ZNF205: variants seen among roughly 807,000 people sequenced by gnomAD.
ZNF205 encodes the protein transcriptional repressor RHIT.
In ZNF205, 32 loss-of-function variants were observed where a neutral mutation model predicts 53.6. The ratio of observed to expected loss-of-function variants is 0.60; its 90% CI spans 0.45 to 0.80. The LOEUF (loss-of-function observed/expected upper bound fraction) is 0.80, where lower values mean the gene tolerates loss of function less well. Among genes scored for constraint, ZNF205 ranks in the 30% least tolerant of loss-of-function variants. ZNF205 has a pLI of 0.00. For missense variants in ZNF205, 836 were observed against 782.4 expected (o/e 1.07, Z -0.82); for synonymous variants, 382 against 334.3 (o/e 1.14, Z -1.56).
chr16:3,113,024 GC>G, intron 1 of ZNF205: 1 of 226,288 alleles, frequency 4.4e-6, no homozygotes, highest in Non-Finnish European at 8.7e-6. Context: ...GACGGGCGGG[GC>G]CCCACCAGCA....
chr16:3,112,793 AG>A, intron 1 of ZNF205, 111 bp downstream of exon 1: 2 of 201,136 alleles, frequency 9.9e-6, no homozygotes, highest in Non-Finnish European at 2.1e-5. Context: ...GCAGGAGAGA[AG>A]GGGGCCAGGA....
intron 5 of ZNF205, among the ~76,000 whole-genome samples, chr16:3,117,324 G>GA (rs1329513702): frequency 2.0e-5 from 3 of 151,882 alleles, no homozygotes. Flanking sequence ...GGCATGAACT[G>GA]AACTCCCCAG....
At chr16:3,115,072 C>A (rs1033075489) in intron 2 of ZNF205, 2 of 291,760 alleles carry the variant, frequency 6.9e-6, no homozygotes, top group Admixed American at 5.2e-5. Flanking sequence ...TTTCTTCATA[C>A]ACTAATAGAC....
Position 3,119,669 on chromosome 16 carries a change from G to T in ZNF205, c.1009G>T (p.Ala337Ser), listed in dbSNP as rs764550290. 4.3e-6 allele frequency: 7 copies of T among 1,610,528 alleles called. No homozygotes were observed. The highest frequency in any genetic ancestry group is 1.7e-6 in the Non-Finnish European group (2 of 1,178,904). Residue 337 changes from alanine (A) to serine (S), a missense_variant, in exon 7 of 7, where the codon GCC (alanine) becomes TCC (serine). Coordinates refer to ENST00000219091, the MANE Select transcript of ZNF205 (RefSeq NM_001042428.2). ...RRTHTGEKPY[A>S]CTDCGKRFGR... is the part of the protein sequence containing the mutation. ...CACGCACACGGGCGAGAAGCCCTAC[G>T]CCTGCACTGACTGCGGGAAGCGCTT...
rs1181555437 is a variant in ZNF205, at chr16:3,115,442, A to G, written c.145A>G (p.Ile49Val). Residue 49 changes from isoleucine to valine, a missense_variant, in exon 3 of 7, where the codon ATT becomes GTT. Ile to Val is a conservative substitution (Grantham distance 29). Transcript: ENST00000219091. ...PSGDTQESLH[I>V]KMEPEEPHSE... ...AGGGGACACTCAGGAGTCACTGCAC[A>G]TTAAGATGGAGCCCGAAGAGCCACA... is the stretch of plus-strand genomic sequence containing the variant. 9 of 1,612,502 alleles carry G rather than the reference A, an allele frequency of 5.6e-6. No homozygotes were observed. The highest frequency in any genetic ancestry group is 7.6e-6 in the Non-Finnish European group (9 of 1,179,226).
intron 4 of ZNF205, 52 bp downstream of exon 4, chr16:3,115,972 G>A: frequency 4.5e-6 from 7 of 1,566,118 alleles, no homozygotes; most frequent in Non-Finnish European, 6.1e-6. Flanking sequence ...TCCTGCATCT[G>A]CTGGTTCTGT....
intron 2 of ZNF205, 197 bp from the exon 3 acceptor site, chr16:3,115,157 CG>C: frequency 2.5e-6 from 1 of 407,632 alleles, no homozygotes; most frequent in Non-Finnish European, 4.2e-6. Context: ...CCACGCCCAC[CG>C]GCACTGTGGA....
At chr16:3,113,303 T>G (rs944106397) in intron 1 of ZNF205, 114 bp from the exon 2 acceptor site, 1 of 952,558 alleles carries the variant, frequency 1.0e-6, no homozygotes, top group Non-Finnish European at 1.6e-6. Flanking sequence ...CAGGGCTCTT[T>G]GGGGGTGTCC....
chr16:3,119,871 G>T lies in ZNF205; in HGVS notation c.1211G>T (p.Arg404Leu), dbSNP rs1432122253. The T allele has an allele frequency of 1.9e-6, 3 of 1,613,474 alleles. No homozygotes were observed. Among genetic ancestry groups the T allele is most frequent in the Non-Finnish European group, 8.5e-7 (1 of 1,179,874 alleles). Residue 404 changes from arginine to leucine, a missense_variant, in exon 7 of 7, where the codon CGC becomes CTC. By Grantham distance (102) the Arg-to-Leu change is moderately radical (BLOSUM62 -2). Coordinates refer to ENST00000219091, the MANE Select transcript of ZNF205 (RefSeq NM_001042428.2). ...CDRCAKRFTR[R>L]SDLVTHQGTH... ...CGCTGCGCCAAGCGCTTCACCCGCC[G>T]CTCGGACTTGGTCACCCACCAGGGC...
intron 2 of ZNF205, 99 bp from the exon 3 acceptor site, chr16:3,115,256 G>C (rs117838195): frequency 1.1e-6 from 1 of 931,978 alleles, no homozygotes; most frequent in African/African-American, 1.7e-5. Context: ...TTCAAGCTGC[G>C]TCTTGCATGT....
At chr16:3,116,638 C>T (rs1283468352) in intron 5 of ZNF205, 91 bp downstream of exon 5, 1 of 1,501,192 alleles carries the variant, frequency 6.7e-7, no homozygotes, top group Non-Finnish European at 9.0e-7. Flanking sequence ...CTCTCTCTCC[C>T]ACCCTTCTCC....
intron 5 of ZNF205, among the ~76,000 whole-genome samples, chr16:3,118,507 C>T (rs573990820): frequency 5.9e-5 from 9 of 152,318 alleles, no homozygotes; most frequent in African/African-American, 1.9e-4. Context: ...GGGCCACACC[C>T]CCCCAAGACT....
intron 4 of ZNF205, 146 bp downstream of exon 4, chr16:3,116,066 C>A (rs1335390548): frequency 2.1e-6 from 2 of 952,694 alleles, no homozygotes; most frequent in Non-Finnish European, 1.6e-6. Context: ...ATTGTCCAGG[C>A]TCAAGGCCCA....
Position 3,115,875 on chromosome 16 carries a change from C to T in ZNF205, c.318C>T (p.Thr106=), listed in dbSNP as rs1957338898. ...CCGTGCTTTCCCGAGAGGGGAGGAC[C>T]AGAGACCGGCAGATGGCTGCAGCGC... is the stretch of plus-strand genomic sequence containing the variant. ...RIPVLSREGR[T]RDRQMAAALL... Residue 106 remains threonine, a synonymous_variant, in exon 4 of 7, where the codon ACC becomes ACT. Transcript: ENST00000219091. 1 of 1,614,018 alleles carries T rather than the reference C, an allele frequency of 6.2e-7. No homozygotes were observed. The highest frequency in any genetic ancestry group is 8.5e-7 in the Non-Finnish European group (1 of 1,179,984).
intron 4 of ZNF205, 199 bp from the exon 5 acceptor site, chr16:3,116,228 T>C (rs577917960): frequency 1.4e-6 from 1 of 738,500 alleles, no homozygotes; most frequent in East Asian, 2.7e-5. Flanking sequence ...TCCCTGAAAA[T>C]ACCTCTTGGT....
chr16:3,115,804 C>CGTG, intron 3 of ZNF205, 25 bp from the exon 4 acceptor site: 1 of 1,596,194 alleles, frequency 6.3e-7, no homozygotes, highest in South Asian at 1.1e-5. Flanking sequence ...AGCTGATCAC[C>CGTG]GTGAGGACCT....
rs537182969 is a variant in ZNF205 at position 3,116,826 on chromosome 16, G to T, written c.484+279G>T. 3.3e-5 allele frequency among the ~76,000 whole-genome samples: 5 copies of T among 152,262 alleles called. No individual in the cohort carries two copies. In the East Asian group the frequency reaches 9.7e-4, roughly 29 times the overall value. On this transcript the variant is annotated intron_variant, in intron 5 of 6. Coordinates refer to ENST00000219091, the MANE Select transcript of ZNF205 (RefSeq NM_001042428.2). Reference sequence around the variant, plus strand: ...TTGTTTTGTTTTGAGACGGAGTCTCGCTCTGTCACCCAGGCTGGAACACAG... The same window carrying T: ...TTGTTTTGTTTTGAGACGGAGTCTCTCTCTGTCACCCAGGCTGGAACACAG...
At chr16:3,117,087 C>G (rs930901287) in intron 5 of ZNF205, among the ~76,000 whole-genome samples, 1 of 152,228 alleles carries the variant, frequency 6.6e-6, no homozygotes, top group Admixed American at 6.5e-5. Context: ...AGCCACCGCG[C>G]CCGGCCAATT....
chr16:3,119,542 G>A lies in ZNF205; in HGVS notation c.882G>A (p.Glu294=). 6.2e-7 allele frequency: 1 copy of A among 1,607,018 alleles called. No homozygotes were observed. Among genetic ancestry groups the A allele is most frequent in the Non-Finnish European group, 8.5e-7 (1 of 1,177,252 alleles). The stretch of plus-strand genomic sequence containing the variant: ...AGAAGGGCGCCCCGGAGAGTGGCGA[G>A]GAGGGCCTGGCCCCTGACAGTGAGG... ...EEEKGAPESG[E]EGLAPDSEVG... is the part of the protein sequence containing the mutation. The change falls in exon 7 of 7, where the codon GAG becomes GAA. Residue 294 remains glutamate, a synonymous_variant. Transcript: ENST00000219091.
Sources: allele counts gnomAD v4.1 joint callset (sites outside exome capture counted in the v4.1 genomes callset), GRCh38; gene constraint gnomAD v4.1.1; transcripts MANE v1.5; gene names NCBI Gene and HGNC (gene_info 2026-07-23, HGNC 2026-07-21).